Variants in C2CD3 observed in about 807,000 individuals in gnomAD.
C2CD3 encodes C2 domain-containing protein 3.
Under a neutral mutation model 234.0 loss-of-function variants are expected in C2CD3, and 148 were observed. The observed-to-expected ratio is 0.63, with a 90% CI of 0.55 to 0.72. The LOEUF is 0.72. Among genes scored for constraint, C2CD3 ranks in the 30% least tolerant of loss-of-function variants. C2CD3 has a pLI of 0.00. For synonymous variants in C2CD3, 1,000 were observed against 1,035.4 expected, an observed-to-expected ratio of 0.97 and a Z score of 0.66; for missense variants, 2,577 against 2,811.5, an observed-to-expected ratio of 0.92 and a Z score of 1.89.
intron 1 of C2CD3, among the ~76,000 whole-genome samples, chr11:74,168,843 A>G (rs189127367): frequency 6.6e-6 from 1 of 152,236 alleles, no homozygotes; most frequent in Non-Finnish European, 1.5e-5. Context: ...ATAACTAATT[A>G]GTATTTAAGG....
chr11:74,028,949 A>C (rs968125171), intron 31 of C2CD3, among the ~76,000 whole-genome samples: 1 of 152,202 alleles, frequency 6.6e-6, no homozygotes, highest in Non-Finnish European at 1.5e-5. Flanking sequence ...GGTGCCCTGC[A>C]CTGAAGGAGG....
At chr11:74,089,443 C>G (rs533965632) in intron 20 of C2CD3, among the ~76,000 whole-genome samples, 12 of 152,294 alleles carry the variant, frequency 7.9e-5, no homozygotes, top group Admixed American at 6.5e-5. Flanking sequence ...AAAGAGTCTA[C>G]GTGGAGAATT....
At chr11:74,114,720 GAC>G in intron 9 of C2CD3, 127 bp from the exon 10 acceptor site, 1 of 651,246 alleles carries the variant, frequency 1.5e-6, no homozygotes, top group Non-Finnish European at 2.7e-6. Flanking sequence ...TTTTATTTTT[GAC>G]ACAGGGTGTT....
chr11:74,124,330 A>G (rs142760003), intron 7 of C2CD3, among the ~76,000 whole-genome samples: 1 of 152,246 alleles, frequency 6.6e-6, no homozygotes, highest in Non-Finnish European at 1.5e-5. Context: ...CAGTGTTCTT[A>G]TATTATTTTG....
At position 74,168,457 on chromosome 11, in the gene C2CD3, T is replaced by G; in HGVS notation, c.212A>C (p.Asp71Ala). 6.2e-7 allele frequency: 1 copy of G among 1,614,198 alleles called. No homozygotes were observed. The highest frequency in any genetic ancestry group is 1.7e-5 in the Admixed American group (1 of 60,028). The change falls in exon 2 of 33, where the codon GAT (aspartate) becomes GCT (alanine). Residue 71 changes from aspartate to alanine, a missense_variant. Transcript: ENST00000334126. ...ATCCCTGGGACAAAAGAGGGTTCCATCTGATGTTTCTCCCCACCATCTCAC... is the reference window on the plus strand; with the variant it reads ...ATCCCTGGGACAAAAGAGGGTTCCAGCTGATGTTTCTCCCCACCATCTCAC... ...VRVRWWGETS[D>A]GTLFCPRDAL... is the part of the protein sequence containing the mutation.
At chr11:74,160,446 G>A (rs944213507) in intron 3 of C2CD3, among the ~76,000 whole-genome samples, 14 of 152,034 alleles carry the variant, frequency 9.2e-5, no homozygotes, top group African/African-American at 3.4e-4. Context: ...CAACATGGAT[G>A]AACCTGGAGG....
chr11:74,098,330 A>AT lies in C2CD3; in HGVS notation c.2733-76dup, dbSNP rs1297071445. 1.3e-5 allele frequency: 19 copies of AT among 1,473,718 alleles called. No individual in the cohort carries two copies. In the African/African-American group the frequency reaches 2.4e-4, roughly 19 times the overall value. The allele number at this position is 1,473,718 out of a possible 1,614,324, so 91.3% of individuals were successfully genotyped here. On this transcript the variant is annotated intron_variant, in intron 15 of 32. Transcript: ENST00000334126. ...CATAGAGTTATTTCTTTCTTGACTC[A>AT]TTTTTTCAGTTTGTTAAAAATAGAT...
At chr11:74,029,943 A>G (rs779551943) in intron 31 of C2CD3, among the ~76,000 whole-genome samples, 1 of 152,104 alleles carries the variant, frequency 6.6e-6, no homozygotes, top group Non-Finnish European at 1.5e-5. Context: ...TTTAGTAGAG[A>G]TGGAATTTTG....
Position 74,100,680 on chromosome 11 carries a change from A to C in C2CD3, c.2581-4T>G. 2 of 1,600,024 alleles carry C rather than the reference A, an allele frequency of 1.2e-6. No homozygotes were observed. The highest frequency in any genetic ancestry group is 8.5e-7 in the Non-Finnish European group (1 of 1,176,242). ...AAGACAGAGAGACAGGAATCACCTA[A>C]GAGAGAGGAACAACCAAAACAAACA... On this transcript the variant is annotated splice_polypyrimidine_tract_variant and splice_region_variant and intron_variant, in intron 14 of 32. Transcript: ENST00000334126.
At chr11:74,031,336 C>T (rs746009187) in intron 31 of C2CD3, among the ~76,000 whole-genome samples, 1 of 152,216 alleles carries the variant, frequency 6.6e-6, no homozygotes, top group Admixed American at 6.5e-5. Flanking sequence ...TGCCTCACCT[C>T]GCACCATCCC....
At chr11:74,125,668 A>C (rs1380592166) in intron 7 of C2CD3, among the ~76,000 whole-genome samples, 1 of 152,152 alleles carries the variant, frequency 6.6e-6, no homozygotes, top group Non-Finnish European at 1.5e-5. Flanking sequence ...ATATTGTATC[A>C]GAGCCAAGTA....
intron 27 of C2CD3, 23 bp from the exon 28 acceptor site, chr11:74,048,361 G>T: frequency 6.2e-7 from 1 of 1,611,642 alleles, no homozygotes; most frequent in South Asian, 1.1e-5. Context: ...CAAGAAAAAT[G>T]GTACACTTGT....
intron 9 of C2CD3, among the ~76,000 whole-genome samples, chr11:74,117,965 G>C: frequency 6.6e-6 from 1 of 151,706 alleles, no homozygotes; most frequent in Non-Finnish European, 1.5e-5. Flanking sequence ...TATTGCTTGG[G>C]TGATGGGAGC....
In C2CD3 at chr11:74,118,383, C is replaced by T; in HGVS notation, c.1366-1G>A. 1.2e-6 allele frequency: 2 copies of T among 1,610,872 alleles called. No homozygotes were observed. The highest frequency in any genetic ancestry group is 1.7e-6 in the Non-Finnish European group (2 of 1,177,442). ...AATCACTGATGCTGGTATCAGATTT[C>T]TATGGAGAGGAAGAAACAGAGACAC... On this transcript the variant is annotated splice_acceptor_variant, in intron 8 of 32. Coordinates refer to ENST00000334126, the MANE Select transcript of C2CD3 (RefSeq NM_001286577.2). LOFTEE classifies it high-confidence loss of function.
At chr11:74,115,252 A>ATACAC (rs1387995691) in intron 9 of C2CD3, among the ~76,000 whole-genome samples, 1 of 151,910 alleles carries the variant, frequency 6.6e-6, no homozygotes, top group Non-Finnish European at 1.5e-5. Flanking sequence ...ACACACACTT[A>ATACAC]TACACACACA....
intron 20 of C2CD3, among the ~76,000 whole-genome samples, chr11:74,088,450 A>G (rs1003330839): frequency 6.6e-6 from 1 of 152,108 alleles, no homozygotes; most frequent in African/African-American, 2.4e-5. Flanking sequence ...ACCTCTCCCA[A>G]CCTACCAGAA....
Position 74,118,278 on chromosome 11 carries a change from C to T in C2CD3, c.1470G>A (p.Leu490=). 4 of 1,613,854 alleles carry T rather than the reference C, an allele frequency of 2.5e-6. No individual in the cohort carries two copies. The highest frequency in any genetic ancestry group is 3.4e-6 in the Non-Finnish European group (4 of 1,179,856). Residue 490 remains leucine, a synonymous_variant, in exon 9 of 33, where the codon CTG becomes CTA. Transcript: ENST00000334126. ...TCTTCAGCTTATGATCACTTGACTC[C>T]AGAACCTTAGATGATCTGGCAAGAG... ...STALARSSKV[L]ESSDHKLKKR... is the part of the protein sequence containing the mutation.
At chr11:74,096,942 C>T (rs1008642129) in intron 16 of C2CD3, among the ~76,000 whole-genome samples, 5 of 152,000 alleles carry the variant, frequency 3.3e-5, no homozygotes, top group East Asian at 1.9e-4. Flanking sequence ...GTTAGGAGTT[C>T]GAGACCAGCC....
intron 23 of C2CD3, among the ~76,000 whole-genome samples, chr11:74,076,214 G>A (rs1565261085): frequency 6.6e-6 from 1 of 152,118 alleles, no homozygotes; most frequent in Non-Finnish European, 1.5e-5. Context: ...GTGCTCAAGA[G>A]AGCCAGATTT....
Sources: gnomAD v4.1 joint callset for allele counts (sites outside exome capture counted in the v4.1 genomes callset) on GRCh38, gnomAD v4.1.1 for gene constraint, MANE v1.5 for transcripts, NCBI Gene and HGNC (gene_info 2026-07-23, HGNC 2026-07-21) for gene names.